The following ATAD1 variants were observed in gnomAD, a reference collection of about 807,000 sequenced individuals.
ATAD1 encodes outer mitochondrial transmembrane helix translocase.
In ATAD1, 18 loss-of-function variants were observed where a neutral mutation model predicts 42.7. The ratio of observed to expected loss-of-function variants is 0.42; its 90% CI spans 0.29 to 0.63. ATAD1 has a LOEUF of 0.63. ATAD1 is among the 20% of genes least tolerant of loss of function. The pLI is 0.19. For synonymous variants in ATAD1, 132 were observed against 143.1 expected, an observed-to-expected ratio of 0.92 and a Z score of 0.55; for missense variants, 294 against 440.4, an observed-to-expected ratio of 0.67 and a Z score of 2.98.
chr10:87,774,303 A>G (rs538574953), intron 6 of ATAD1, among the ~76,000 whole-genome samples: 1 of 152,338 alleles, frequency 6.6e-6, no homozygotes, highest in African/African-American at 2.4e-5. Context: ...TTAATTCCTC[A>G]TAACAGTTCT....
upstream of ATAD1, among the ~76,000 whole-genome samples, chr10:87,819,566 T>A (rs910606547): frequency 3.9e-5 from 6 of 152,320 alleles, no homozygotes; most frequent in East Asian, 1.2e-3. Context: ...AGCTTCTATG[T>A]GCTTTACATG....
At chr10:87,769,198 T>C (rs959021650) in intron 7 of ATAD1, among the ~76,000 whole-genome samples, 14 of 152,248 alleles carry the variant, frequency 9.2e-5, no homozygotes, top group Non-Finnish European at 1.5e-4. Context: ...AGTGTTCTGA[T>C]GTCTTGCTTA....
chr10:87,779,252 C>T (rs890825896), intron 5 of ATAD1, among the ~76,000 whole-genome samples: 9 of 152,070 alleles, frequency 5.9e-5, no homozygotes, highest in East Asian at 3.9e-4. Context: ...GAGCTGAGGT[C>T]GTGCCACTGC....
chr10:87,836,067 T>C (rs1857924129), intron 1 of ATAD1, among the ~76,000 whole-genome samples: 1 of 152,182 alleles, frequency 6.6e-6, no homozygotes, highest in African/African-American at 2.4e-5. Flanking sequence ...GTGAATTGTT[T>C]ATTTACCTAG....
rs192054356 is a variant in ATAD1, at chr10:87,788,395, T to C, written c.382+1915A>G. Reference sequence around the variant, plus strand: ...TCTATACACCAATATCCAATTTATATTGAGGGTCAAAAAGTAAATTAATGA... The same window carrying C: ...TCTATACACCAATATCCAATTTATACTGAGGGTCAAAAAGTAAATTAATGA... On this transcript the variant is annotated intron_variant, in intron 4 of 9. Transcript: ENST00000680024. 6.6e-4 allele frequency among the ~76,000 whole-genome samples: 100 copies of C among 152,262 alleles called. 1 individual carries two copies. The East Asian group carries it at 7.7e-3, about 12-fold the overall frequency.
At chr10:87,773,023 G>C (rs971552584) in intron 6 of ATAD1, among the ~76,000 whole-genome samples, 7 of 152,082 alleles carry the variant, frequency 4.6e-5, no homozygotes, top group African/African-American at 1.7e-4. Flanking sequence ...TCATCTGGAG[G>C]AGGGAGAGGA....
intron 8 of ATAD1, among the ~76,000 whole-genome samples, chr10:87,766,674 G>T (rs933230525): frequency 6.6e-6 from 1 of 152,054 alleles, no homozygotes; most frequent in Non-Finnish European, 1.5e-5. Flanking sequence ...AGCCGAGTGT[G>T]GTGGCACACG....
intron 5 of ATAD1, 54 bp downstream of exon 5, chr10:87,784,416 T>TA: frequency 6.5e-7 from 1 of 1,538,818 alleles, no homozygotes; most frequent in Non-Finnish European, 8.9e-7. Context: ...TCTGGTTATC[T>TA]AAATATCTCT....
At chr10:87,774,573 C>G (rs1274900122) in intron 6 of ATAD1, among the ~76,000 whole-genome samples, 3 of 152,032 alleles carry the variant, frequency 2.0e-5, no homozygotes, top group African/African-American at 7.2e-5. Context: ...AGTAGAAGAG[C>G]TTCAAATGAA....
At chr10:87,820,620 G>A (rs1157761094), upstream of ATAD1, among the ~76,000 whole-genome samples, 1 of 152,162 alleles carries the variant, frequency 6.6e-6, no homozygotes, top group East Asian at 1.9e-4. Flanking sequence ...GGAAACTGTT[G>A]AATAAAGTCA....
chr10:87,823,979 A>G (rs564093271), intron 1 of ATAD1, among the ~76,000 whole-genome samples: 1 of 152,350 alleles, frequency 6.6e-6, no homozygotes, highest in Non-Finnish European at 1.5e-5. Flanking sequence ...TTTATCTTCT[A>G]AGCACAAGTA....
At chr10:87,833,727 C>CTTTTTT (rs3033524) in intron 1 of ATAD1, among the ~76,000 whole-genome samples, 87 of 100,752 alleles carry the variant, frequency 8.6e-4, no homozygotes, top group Admixed American at 1.4e-3. Flanking sequence ...TCTTTCTTTC[C>CTTTTTT]TTTTTTTTTT....
intron 8 of ATAD1, among the ~76,000 whole-genome samples, chr10:87,757,932 TG>T (rs997388220): frequency 1.1e-4 from 17 of 152,182 alleles, no homozygotes; most frequent in African/African-American, 3.6e-4. Flanking sequence ...TTCCTAAACA[TG>T]AGGGTTACAT....
chr10:87,764,995 C>A (rs1854669963), intron 8 of ATAD1, among the ~76,000 whole-genome samples: 2 of 151,634 alleles, frequency 1.3e-5, no homozygotes, highest in Non-Finnish European at 2.9e-5. Context: ...TGTACATAGA[C>A]TAGATAATGA....
At chr10:87,834,491 T>G (rs958283710) in intron 1 of ATAD1, among the ~76,000 whole-genome samples, 3 of 152,196 alleles carry the variant, frequency 2.0e-5, no homozygotes, top group African/African-American at 7.2e-5. Flanking sequence ...GTTATTTAAA[T>G]TTGCTTATGT....
rs1351596380 is a variant in ATAD1, at chr10:87,752,324, C to T, written c.*2363G>A. On this transcript the variant is annotated 3_prime_UTR_variant, in exon 10 of 10. Transcript: ENST00000680024. ...GAGTACAGGCCTAGGGATTATGGAA[C>T]TGGTTTAAGCATGGAGAATGCTTAA... is the stretch of plus-strand genomic sequence containing the variant. The T allele has an allele frequency of 1.3e-5, 2 of 152,146 alleles. No homozygotes were observed. The highest frequency in any genetic ancestry group is 1.5e-5 in the Non-Finnish European group (1 of 68,030). The allele number at this position is 152,146 out of a possible 1,614,324, so 9.4% of individuals were successfully genotyped here.
Position 87,754,767 on chromosome 10 carries a change from G to C in ATAD1, c.1006C>G (p.Leu336Val). 1 of 1,613,608 alleles carries C rather than the reference G, an allele frequency of 6.2e-7. No individual in the cohort carries two copies. The highest frequency in any genetic ancestry group is 8.5e-7 in the Non-Finnish European group (1 of 1,179,718). ...DEIRPVQQQD[L>V]HRAIEKMKKS... ...TTCATCTTTTCAATTGCCCGATGCA[G>C]GTCCTGCTGTTGAACAGGCCGAATT... The change falls in exon 10 of 10, where the codon CTG becomes GTG. Residue 336 changes from leucine to valine, a missense_variant. By Grantham distance (32) the Leu-to-Val change is conservative. This residue lies in a region of ATAD1 where 142 missense variants were observed against 174.6 expected (regional missense o/e 0.81). Coordinates refer to ENST00000680024, the MANE Select transcript of ATAD1 (RefSeq NM_001321967.2).
intron 5 of ATAD1, among the ~76,000 whole-genome samples, chr10:87,782,558 T>C (rs943050177): frequency 2.2e-4 from 34 of 152,312 alleles, no homozygotes; most frequent in African/African-American, 7.7e-4. Flanking sequence ...TGTGAATTAT[T>C]TGGAAGGAAG....
intron 7 of ATAD1, among the ~76,000 whole-genome samples, chr10:87,768,594 A>G (rs940159270): frequency 3.9e-5 from 6 of 152,234 alleles, no homozygotes; most frequent in African/African-American, 1.4e-4. Flanking sequence ...TAACCTATAA[A>G]GCGTATTCAC....
Sources: gnomAD v4.1 joint callset for allele counts (sites outside exome capture counted in the v4.1 genomes callset) on GRCh38, gnomAD v4.1.1 for gene constraint, gnomAD v4.1.1 regional missense constraint, MANE v1.5 for transcripts, NCBI Gene and HGNC (gene_info 2026-07-23, HGNC 2026-07-21) for gene names.